PI4K2B: variants seen among roughly 807,000 people sequenced by gnomAD.
PI4K2B encodes phosphatidylinositol 4-kinase type 2 beta, also known as phosphatidylinositol 4-kinase type 2-beta.
A neutral mutation model predicts 56.6 loss-of-function variants in PI4K2B; 46 were observed. The observed-to-expected ratio is 0.81, with a 90% CI of 0.64 to 1.04. PI4K2B has a LOEUF of 1.04. Ranked by LOEUF, PI4K2B falls within the 50% of genes least tolerant of loss-of-function variation. PI4K2B has a pLI of 0.00. For synonymous variants in PI4K2B, 211 were observed against 223.8 expected (o/e 0.94, Z 0.51); for missense variants, 556 against 607.7 (o/e 0.91, Z 0.89).
At chr4:25,234,778 A>G (rs139214451) in intron 1 of PI4K2B, among the ~76,000 whole-genome samples, 216 of 152,372 alleles carry the variant, frequency 1.4e-3, no homozygotes, top group African/African-American at 5.0e-3. Context: ...TGACTTTTGA[A>G]TTAAGAACCT....
chr4:25,235,058 C>T (rs1208642186), intron 1 of PI4K2B, among the ~76,000 whole-genome samples: 1 of 152,202 alleles, frequency 6.6e-6, no homozygotes, highest in East Asian at 1.9e-4. Context: ...GGACTGATAA[C>T]CTCAGGCGAA....
intron 1 of PI4K2B, 73 bp from the exon 2 acceptor site, chr4:25,252,248 T>C: frequency 9.0e-7 from 1 of 1,107,226 alleles, no homozygotes. Flanking sequence ...TATATCCTGA[T>C]ACCGGCAAGC....
chr4:25,244,631 C>A (rs577898932), intron 1 of PI4K2B, among the ~76,000 whole-genome samples: 1 of 152,282 alleles, frequency 6.6e-6, no homozygotes, highest in African/African-American at 2.4e-5. Flanking sequence ...GCTTAGGATG[C>A]ATTTCAAGGG....
intron 5 of PI4K2B, 26 bp downstream of exon 5, chr4:25,259,216 C>T (rs747566593): frequency 1.5e-5 from 21 of 1,410,934 alleles, no homozygotes; most frequent in African/African-American, 4.3e-5. Flanking sequence ...CATTTGTTCA[C>T]GTAAATCTTG....
chr4:25,261,352 G>A (rs1357146462), intron 6 of PI4K2B, among the ~76,000 whole-genome samples: 2 of 152,106 alleles, frequency 1.3e-5, no homozygotes, highest in South Asian at 2.1e-4. Flanking sequence ...ATAATAGACT[G>A]CATAGAGCCT....
At chr4:25,235,827 T>TA in intron 1 of PI4K2B, among the ~76,000 whole-genome samples, 1 of 152,268 alleles carries the variant, frequency 6.6e-6, no homozygotes, top group Middle Eastern at 3.4e-3. Context: ...TGAGGTGTTT[T>TA]ATAAACAAAC....
At chr4:25,252,294 C>T in intron 1 of PI4K2B, 27 bp from the exon 2 acceptor site, 1 of 1,572,700 alleles carries the variant, frequency 6.4e-7, no homozygotes, top group Non-Finnish European at 8.7e-7. Context: ...TGAGCATTCT[C>T]ATAGCTGGTA....
chr4:25,245,445 A>G (rs567269203), intron 1 of PI4K2B, among the ~76,000 whole-genome samples: 14 of 152,260 alleles, frequency 9.2e-5, no homozygotes, highest in African/African-American at 2.6e-4. Context: ...CCGCAGGGTC[A>G]ACCAAGTTGT....
rs77953173 is a variant in PI4K2B, at chr4:25,262,197, C to T, written c.979-1553C>T. Among the ~76,000 whole-genome samples the T allele has an allele frequency of 7.7e-3, 1,169 of 152,070 alleles. 10 individuals carry two copies. Among genetic ancestry groups the T allele is most frequent in the Non-Finnish European group, 0.012 (825 of 67,988 alleles). On this transcript the variant is annotated intron_variant, in intron 6 of 9. Transcript: ENST00000264864. ...AAAAAGTAAAATGAAATAAATTAGCCGGACATGGTGGCAGGCACCTGTGGT... is the reference window on the plus strand; with the variant it reads ...AAAAAGTAAAATGAAATAAATTAGCTGGACATGGTGGCAGGCACCTGTGGT...
rs565561272 is a variant in PI4K2B at position 25,238,904 on chromosome 4, GCTGATTGGTCCATTTTACAGAGCA to G, written c.268+4484_268+4507del. 1.1e-3 allele frequency among the ~76,000 whole-genome samples: 175 copies of G among 152,276 alleles called. 2 individuals are homozygous for G. In the South Asian group the frequency reaches 0.021, roughly 18 times the overall value. On this transcript the variant is annotated intron_variant, in intron 1 of 9. Coordinates refer to ENST00000264864, the MANE Select transcript of PI4K2B (RefSeq NM_018323.4). ...CCTTATCTGGCCCCACCCACATCCT[GCTGATTGGTCCATTTTACAGAGCA>G]CTGATTGGTCTGTTTTACAGAGAGC...
intron 5 of PI4K2B, 21 bp downstream of exon 5, chr4:25,259,211 G>T: frequency 6.9e-7 from 1 of 1,445,810 alleles, no homozygotes. Context: ...TCTCTCATTT[G>T]TTCACGTAAA....
At chr4:25,244,928 T>C (rs1470086693) in intron 1 of PI4K2B, among the ~76,000 whole-genome samples, 2 of 152,194 alleles carry the variant, frequency 1.3e-5, no homozygotes, top group African/African-American at 4.8e-5. Flanking sequence ...CTGTTAGTAT[T>C]GGGACTTTAC....
intron 7 of PI4K2B, 119 bp downstream of exon 7, chr4:25,263,968 A>C: frequency 1.8e-6 from 1 of 546,242 alleles, no homozygotes; most frequent in South Asian, 3.0e-5. Context: ...TTATTCATTA[A>C]GGCTCAGTTT....
intron 4 of PI4K2B, among the ~76,000 whole-genome samples, chr4:25,258,160 G>C (rs1348454338): frequency 2.8e-5 from 4 of 144,408 alleles, no homozygotes; most frequent in Non-Finnish European, 6.1e-5. Context: ...TAATAGATTT[G>C]TTCTTTAAAA....
intron 9 of PI4K2B, 22 bp from the exon 10 acceptor site, chr4:25,276,992 A>G (rs1717123991): frequency 6.7e-7 from 1 of 1,496,570 alleles, no homozygotes. Context: ...TAAATTGGTA[A>G]AAATCTCTCT....
Position 25,277,683 on chromosome 4 carries a change from A to AT in PI4K2B, c.*497dup, listed in dbSNP as rs1717155140. The AT allele has an allele frequency of 6.6e-6, 1 of 152,548 alleles. No homozygotes were observed. The highest frequency in any genetic ancestry group is 6.5e-5 in the Admixed American group (1 of 15,338). The allele number at this position is 152,548 out of a possible 1,614,324, so 9.4% of individuals were successfully genotyped here. On this transcript the variant is annotated 3_prime_UTR_variant, in exon 10 of 10. Transcript: ENST00000264864. ...CAAAAGCTGCTATTTTAGAATTTGA[A>AT]TAAGTACTCCTAAAGTGACCATTAT... is the stretch of plus-strand genomic sequence containing the variant.
intron 5 of PI4K2B, 75 bp from the exon 6 acceptor site, chr4:25,260,449 T>C (rs1352936050): frequency 2.4e-5 from 14 of 580,612 alleles, no homozygotes; most frequent in Non-Finnish European, 4.2e-5. Context: ...AGGAGATCAC[T>C]AGAGTTTTCT....
intron 1 of PI4K2B, among the ~76,000 whole-genome samples, chr4:25,245,646 T>C (rs561554007): frequency 1.3e-5 from 2 of 152,276 alleles, no homozygotes; most frequent in South Asian, 4.1e-4. Flanking sequence ...TAGTCGCTTT[T>C]AACTGGCCGA....
intron 2 of PI4K2B, 90 bp downstream of exon 2, chr4:25,252,565 T>C (rs1716103254): frequency 1.1e-6 from 1 of 945,436 alleles, no homozygotes; most frequent in South Asian, 1.5e-5. Flanking sequence ...TAAAGATATT[T>C]TCCTATTAAG....
Sources: gnomAD v4.1 joint callset for allele counts (sites outside exome capture counted in the v4.1 genomes callset) on GRCh38, gnomAD v4.1.1 for gene constraint, MANE v1.5 for transcripts, NCBI Gene and HGNC (gene_info 2026-07-23, HGNC 2026-07-21) for gene names.